WDR53: variants seen among roughly 807,000 people sequenced by gnomAD.
The protein encoded by WDR53 is WD repeat domain 53.
A neutral mutation model predicts 21.3 loss-of-function variants in WDR53; 19 were observed. The observed-to-expected ratio is 0.89, with a 90% CI of 0.62 to 1.31. The LOEUF is 1.31. Among genes scored for constraint, WDR53 ranks in the 50% most tolerant of loss-of-function variants. WDR53 has a pLI of 0.00. For missense variants in WDR53, 374 were observed against 423.2 expected, an observed-to-expected ratio of 0.88 and a Z score of 1.02; for synonymous variants, 157 against 163.4, an observed-to-expected ratio of 0.96 and a Z score of 0.30.
At position 196,567,043 on chromosome 3, in the gene WDR53, C is replaced by T. The variant is rs1454984027; in HGVS notation, c.-183G>A. ...CTTTAAAAACTGAGTGATCTCTAAACACTCTGCACTAGTCATACCACCACC... is the reference window on the plus strand; with the variant it reads ...CTTTAAAAACTGAGTGATCTCTAAATACTCTGCACTAGTCATACCACCACC... On this transcript the variant is annotated 5_prime_UTR_variant, in exon 2 of 4. Transcript: ENST00000332629. The T allele has an allele frequency of 1.8e-5, 7 of 390,350 alleles. No individual in the cohort carries two copies. The highest frequency in any genetic ancestry group is 3.1e-5 in the Non-Finnish European group (6 of 194,892). 24.2% of individuals were successfully genotyped at this position (390,350 alleles called of 1,614,324 possible).
intron 2 of WDR53, among the ~76,000 whole-genome samples, chr3:196,565,208 T>C (rs1198847549): frequency 6.6e-6 from 1 of 151,440 alleles, no homozygotes; most frequent in Non-Finnish European, 1.5e-5. Context: ...ACATAGATAA[T>C]ATTTACTGAT....
intron 3 of WDR53, among the ~76,000 whole-genome samples, chr3:196,559,941 T>C (rs1399141327): frequency 6.6e-6 from 1 of 152,152 alleles, no homozygotes; most frequent in African/African-American, 2.4e-5. Context: ...ACACAAAGCA[T>C]TGGCAAGAAC....
intron 3 of WDR53, among the ~76,000 whole-genome samples, chr3:196,555,930 T>C (rs565689064): frequency 2.0e-5 from 3 of 152,316 alleles, no homozygotes; most frequent in South Asian, 4.1e-4. Context: ...CATTATACTA[T>C]GTGACTAACA....
In WDR53 at chr3:196,560,526, C is replaced by T. The variant is rs944585115; in HGVS notation, c.480+470G>A. 5.3e-5 allele frequency among the ~76,000 whole-genome samples: 8 copies of T among 152,218 alleles called. No individual in the cohort carries two copies. The East Asian group carries it at 9.7e-4, about 18-fold the overall frequency. ...TGCTGGGATTACAGGCGTGAGCCACCGTGCCCAGCCGTGATGCTCCTTTCA... is the reference window on the plus strand; with the variant it reads ...TGCTGGGATTACAGGCGTGAGCCACTGTGCCCAGCCGTGATGCTCCTTTCA... On this transcript the variant is annotated intron_variant, in intron 3 of 3. Coordinates refer to ENST00000332629, the MANE Select transcript of WDR53 (RefSeq NM_182627.3).
intron 1 of WDR53, among the ~76,000 whole-genome samples, chr3:196,568,189 C>T (rs1242512841): frequency 6.6e-6 from 1 of 152,160 alleles, no homozygotes; most frequent in East Asian, 1.9e-4. Flanking sequence ...TCGCAGCCAC[C>T]TTACTTTGCG....
rs115477322 is a variant in WDR53 at position 196,559,079 on chromosome 3, G to A, written c.480+1917C>T. 5.7e-3 allele frequency among the ~76,000 whole-genome samples: 866 copies of A among 152,264 alleles called. 2 individuals are homozygous for A. The highest frequency in any genetic ancestry group is 9.1e-3 in the Non-Finnish European group (617 of 68,020). On this transcript the variant is annotated intron_variant, in intron 3 of 3. Transcript: ENST00000332629. Reference sequence around the variant, plus strand: ...TCTGAAAAGTACACATCACTTTTGCGTACCCAATTGTCTATTGCCATGCCT... The same window carrying A: ...TCTGAAAAGTACACATCACTTTTGCATACCCAATTGTCTATTGCCATGCCT...
At chr3:196,565,690 T>C (rs1369977691) in intron 2 of WDR53, among the ~76,000 whole-genome samples, 1 of 152,194 alleles carries the variant, frequency 6.6e-6, no homozygotes, top group Non-Finnish European at 1.5e-5. Flanking sequence ...CCAAAATTGT[T>C]TACTTAGTCT....
At chr3:196,556,492 T>C (rs534785518) in intron 3 of WDR53, among the ~76,000 whole-genome samples, 63 of 151,808 alleles carry the variant, frequency 4.1e-4, no homozygotes, top group African/African-American at 1.5e-3. Flanking sequence ...GCATCTCTAC[T>C]AAAAATACAA....
In WDR53 at chr3:196,561,434, G is replaced by A. The variant is rs1734860322; in HGVS notation, c.42C>T (p.Leu14=). The change falls in exon 3 of 4, where the codon CTC becomes CTT. Residue 14 remains leucine (L), a synonymous_variant. Coordinates refer to ENST00000332629, the MANE Select transcript of WDR53 (RefSeq NM_182627.3). ...GCCCTTCTTTACTTGCATTCAGGCA[G>A]AGGACAGGAGAAGAATGCCCACCCG... The part of the protein sequence containing the change: ...KWTGGHSSPV[L]CLNASKEGLL... 6.2e-7 allele frequency: 1 copy of A among 1,613,904 alleles called. No homozygotes were observed. Among genetic ancestry groups the A allele is most frequent in the Non-Finnish European group, 8.5e-7 (1 of 1,180,014 alleles).
intron 2 of WDR53, among the ~76,000 whole-genome samples, chr3:196,564,392 TTTC>T (rs59094751): frequency 9.0e-6 from 1 of 111,480 alleles, no homozygotes; most frequent in Non-Finnish European, 1.9e-5. Flanking sequence ...TTTTTTCTTT[TTTC>T]TTTTTTTTTT....
chr3:196,556,507 T>C (rs1734329064), intron 3 of WDR53, among the ~76,000 whole-genome samples: 2 of 151,800 alleles, frequency 1.3e-5, no homozygotes, highest in South Asian at 4.2e-4. Context: ...ATACAAAAAA[T>C]TAGCTAGGCA....
intron 1 of WDR53, among the ~76,000 whole-genome samples, chr3:196,567,782 TGTGTGAG>T (rs1266654158): frequency 6.6e-6 from 1 of 150,846 alleles, no homozygotes. Context: ...TGTGTGTGTG[TGTGTGAG>T]GTAGGGGCTC....
chr3:196,568,239 T>C (rs1735622531), intron 1 of WDR53, among the ~76,000 whole-genome samples: 1 of 151,960 alleles, frequency 6.6e-6, no homozygotes. Flanking sequence ...TGCCGATACT[T>C]AGGGAGAACG....
At position 196,561,256 on chromosome 3, in the gene WDR53, T is replaced by A. The variant is rs771862915; in HGVS notation, c.220A>T (p.Thr74Ser). ...PTKLYASHGE[T>S]ISVLDVRSLK... The stretch of plus-strand genomic sequence containing the variant: ...GACCTGACATCCAGTACACTAATGG[T>A]TTCTCCATGTGAGGCATAGAGCTTG... Residue 74 changes from threonine to serine, a missense_variant, in exon 3 of 4, where the codon ACC becomes TCC. Coordinates refer to ENST00000332629, the MANE Select transcript of WDR53 (RefSeq NM_182627.3). The A allele has an allele frequency of 1.2e-5, 19 of 1,614,188 alleles. No individual in the cohort carries two copies. In the Admixed American group the frequency reaches 3.2e-4, roughly 27 times the overall value.
chr3:196,559,013 G>C (rs987627436), intron 3 of WDR53, among the ~76,000 whole-genome samples: 3 of 152,172 alleles, frequency 2.0e-5, no homozygotes, highest in Non-Finnish European at 4.4e-5. Flanking sequence ...CCTGGAACTG[G>C]GGGCAAGACA....
rs756945815 is a variant in WDR53 at position 196,554,544 on chromosome 3, G to A, written c.744C>T (p.Cys248=). 6.2e-7 allele frequency: 1 copy of A among 1,614,128 alleles called. No homozygotes were observed. Among genetic ancestry groups the A allele is most frequent in the Non-Finnish European group, 8.5e-7 (1 of 1,180,010 alleles). The part of the protein sequence containing the change: ...KGHTSGVSQV[C]FLPESYLLLT... ...GCAGCAAATAGGATTCTGGGAGAAA[G>A]CAGACCTGGGATACCCCTGAAGTGT... The change falls in exon 4 of 4, where the codon TGC becomes TGT. Residue 248 remains cysteine (C), a synonymous_variant. Coordinates refer to ENST00000332629, the MANE Select transcript of WDR53 (RefSeq NM_182627.3).
At chr3:196,562,765 C>T (rs531291053) in intron 2 of WDR53, among the ~76,000 whole-genome samples, 1 of 152,216 alleles carries the variant, frequency 6.6e-6, no homozygotes, top group African/African-American at 2.4e-5. Flanking sequence ...ATAATAAAAC[C>T]GAGTCTCAGA....
intron 3 of WDR53, 112 bp downstream of exon 3, chr3:196,560,884 G>A: frequency 7.6e-7 from 1 of 1,319,880 alleles, no homozygotes; most frequent in South Asian, 1.5e-5. Flanking sequence ...TTCATAAATG[G>A]ATATGTTAGT....
At chr3:196,564,557 T>C (rs1482086415) in intron 2 of WDR53, among the ~76,000 whole-genome samples, 1 of 151,740 alleles carries the variant, frequency 6.6e-6, no homozygotes, top group Non-Finnish European at 1.5e-5. Context: ...GAGATGAGGT[T>C]TCCCCACATT....
Sources: gnomAD v4.1 joint callset for allele counts (sites outside exome capture counted in the v4.1 genomes callset) on GRCh38, gnomAD v4.1.1 for gene constraint, MANE v1.5 for transcripts, NCBI Gene and HGNC (gene_info 2026-07-23, HGNC 2026-07-21) for gene names.